The following HTR4 variants were observed in gnomAD, a reference collection of about 807,000 sequenced individuals.
HTR4 encodes 5-hydroxytryptamine receptor 4, also known as 5-hydroxytryptamine (serotonin) receptor 4, G protein-coupled.
HTR4 carries 16 observed loss-of-function variants against 36.8 expected under a neutral mutation model. That is an observed-to-expected ratio of 0.43 (90% CI 0.29 to 0.66). The LOEUF is 0.66. Ranked by LOEUF, HTR4 falls within the 30% of genes least tolerant of loss-of-function variation. The pLI is 0.13. For synonymous variants in HTR4, 189 were observed against 185.1 expected, an observed-to-expected ratio of 1.02 and a Z score of -0.17; for missense variants, 438 against 490.9, an observed-to-expected ratio of 0.89 and a Z score of 1.02.
chr5:148,617,325 C>T (rs13165109), intron 2 of HTR4, among the ~76,000 whole-genome samples: 39,952 of 152,152 alleles, frequency 0.26, 6,166 homozygotes, highest in Non-Finnish European at 0.34. Flanking sequence ...GATGCTAGTG[C>T]CTTGCTTGTA....
chr5:148,542,455 AT>A (rs1759164386), intron 4 of HTR4, among the ~76,000 whole-genome samples: 1 of 152,236 alleles, frequency 6.6e-6, no homozygotes, highest in South Asian at 2.1e-4. Flanking sequence ...TAAGAATTGT[AT>A]GTTTTACAAG....
downstream of HTR4, among the ~76,000 whole-genome samples, chr5:148,479,328 G>A (rs1755802313): frequency 1.3e-5 from 2 of 151,984 alleles, no homozygotes; most frequent in Admixed American, 1.3e-4. Context: ...AAACGACATA[G>A]CTACTGGAGA....
chr5:148,547,390 G>T (rs1759429501), intron 4 of HTR4, among the ~76,000 whole-genome samples: 1 of 151,966 alleles, frequency 6.6e-6, no homozygotes, highest in Non-Finnish European at 1.5e-5. Flanking sequence ...CTGGTGGCGG[G>T]CGCTTGTAGT....
chr5:148,646,148 A>C (rs1472376392), intron 1 of HTR4: 1 of 152,252 alleles, frequency 6.6e-6, no homozygotes, highest in Non-Finnish European at 1.5e-5. Flanking sequence ...TAAATGCCCC[A>C]GTGATTCTGA....
intron 4 of HTR4, among the ~76,000 whole-genome samples, chr5:148,523,922 T>C (rs1185233107): frequency 1.3e-5 from 2 of 152,100 alleles, no homozygotes; most frequent in East Asian, 3.9e-4. Flanking sequence ...ATCTGGGCTC[T>C]AACCACTGTG....
At chr5:148,550,023 C>T in intron 3 of HTR4, 114 bp downstream of exon 3, 1 of 1,065,258 alleles carries the variant, frequency 9.4e-7, no homozygotes, top group Non-Finnish European at 1.3e-6. Flanking sequence ...AATGTTGTTC[C>T]CATGAATGTT....
At chr5:148,523,168 C>T (rs1758104270) in intron 5 of HTR4, 25 bp downstream of exon 5, 1 of 1,596,624 alleles carries the variant, frequency 6.3e-7, no homozygotes, top group Non-Finnish European at 8.6e-7. Context: ...GACAGTAAAC[C>T]AGTGAGGTCT....
intron 6 of HTR4, among the ~76,000 whole-genome samples, chr5:148,488,934 C>T (rs1052359742): frequency 1.3e-5 from 2 of 152,294 alleles, no homozygotes; most frequent in South Asian, 4.1e-4. Flanking sequence ...ACTTCTTTCC[C>T]TATTTCCCAA....
At chr5:148,638,697 A>G (rs1753629505) in intron 1 of HTR4, among the ~76,000 whole-genome samples, 3 of 152,120 alleles carry the variant, frequency 2.0e-5, no homozygotes, top group Admixed American at 2.0e-4. Flanking sequence ...AGTGGTTCAG[A>G]CCAGAAAAAC....
At chr5:148,516,563 C>T (rs971197288) in intron 5 of HTR4, among the ~76,000 whole-genome samples, 5 of 151,790 alleles carry the variant, frequency 3.3e-5, no homozygotes, top group Non-Finnish European at 5.9e-5. Context: ...CATGATCTGC[C>T]CGCCTTGGCC....
intron 2 of HTR4, among the ~76,000 whole-genome samples, chr5:148,618,199 A>G (rs1277066442): frequency 6.6e-6 from 1 of 152,198 alleles, no homozygotes; most frequent in African/African-American, 2.4e-5. Context: ...CCTGGAGAAC[A>G]TGCCCACTCT....
intron 2 of HTR4, among the ~76,000 whole-genome samples, chr5:148,584,790 T>C (rs920157221): frequency 2.6e-5 from 4 of 152,114 alleles, no homozygotes; most frequent in Non-Finnish European, 4.4e-5. Flanking sequence ...TTTTTCTGAG[T>C]AAATGAATAA....
intron 1 of HTR4, among the ~76,000 whole-genome samples, chr5:148,640,321 C>T (rs1270932554): frequency 6.6e-6 from 1 of 152,218 alleles, no homozygotes; most frequent in Non-Finnish European, 1.5e-5. Context: ...CAATCCCTAG[C>T]TCCAGTGATG....
chr5:148,607,451 A>T (rs1489260145), intron 2 of HTR4, among the ~76,000 whole-genome samples: 1 of 152,234 alleles, frequency 6.6e-6, no homozygotes. Context: ...TGAAGGAAAT[A>T]AAATTAGTCA....
chr5:148,561,210 C>G (rs552853402), intron 2 of HTR4, among the ~76,000 whole-genome samples: 8 of 152,106 alleles, frequency 5.3e-5, no homozygotes, highest in Non-Finnish European at 1.0e-4. Flanking sequence ...TCAAATATCA[C>G]ACATACTGGG....
At chr5:148,560,234 T>A (rs1375609771) in intron 2 of HTR4, among the ~76,000 whole-genome samples, 2 of 146,840 alleles carry the variant, frequency 1.4e-5, no homozygotes, top group East Asian at 2.0e-4. Flanking sequence ...AAGAGGAGGA[T>A]TAAATAAGAT....
At chr5:148,653,937 C>T in intron 1 of HTR4, 125 bp downstream of exon 1, 1 of 531,602 alleles carries the variant, frequency 1.9e-6, no homozygotes, top group Non-Finnish European at 2.4e-6. Context: ...TGCCGCAAAG[C>T]CGGGTGTCCT....
chr5:148,613,629 G>T (rs1266125544), intron 2 of HTR4, among the ~76,000 whole-genome samples: 1 of 150,492 alleles, frequency 6.6e-6, no homozygotes, highest in South Asian at 2.1e-4. Context: ...ACAAGACAGG[G>T]TTGCCCTCTC....
chr5:148,528,784 G>T (rs1561598981), intron 4 of HTR4, among the ~76,000 whole-genome samples: 1 of 152,016 alleles, frequency 6.6e-6, no homozygotes, highest in Non-Finnish European at 1.5e-5. Flanking sequence ...ACCACCACTA[G>T]ACAGAATTAG....
Sources: allele counts gnomAD v4.1 joint callset (sites outside exome capture counted in the v4.1 genomes callset), GRCh38; gene constraint gnomAD v4.1.1; transcripts MANE v1.5; gene names NCBI Gene and HGNC (gene_info 2026-07-23, HGNC 2026-07-21).